The following HYDIN variants were observed in gnomAD, a reference collection of about 807,000 sequenced individuals.
HYDIN encodes HYDIN axonemal central pair apparatus protein, also known as axonemal central pair apparatus protein HYDIN.
Under a neutral mutation model 403.9 loss-of-function variants are expected in HYDIN, and 132 were observed. That is an observed-to-expected ratio of 0.33 (90% CI 0.28 to 0.38). The LOEUF (loss-of-function observed/expected upper bound fraction) is 0.38. HYDIN is among the 10% of genes least tolerant of loss of function. HYDIN has a pLI of 1.00. For missense variants in HYDIN, 2,827 were observed against 5,009.5 expected, an observed-to-expected ratio of 0.56 and a Z score of 13.15; for synonymous variants, 1,202 against 1,891.7, an observed-to-expected ratio of 0.64 and a Z score of 9.46.
At chr16:71,162,307 CA>C (rs933478542) in intron 6 of HYDIN, among the ~76,000 whole-genome samples, 5 of 143,876 alleles carry the variant, frequency 3.5e-5, no homozygotes, top group African/African-American at 1.3e-4. Flanking sequence ...TTTGAAGAAC[CA>C]AAAAGAGGAT....
At chr16:71,170,151 G>C (rs1287557736) in intron 5 of HYDIN, among the ~76,000 whole-genome samples, 1 of 152,160 alleles carries the variant, frequency 6.6e-6, no homozygotes, top group Non-Finnish European at 1.5e-5. Context: ...CTGGATAAAA[G>C]GAGAGGATCA....
At chr16:70,837,435 G>C (rs1236855186) in intron 77 of HYDIN, among the ~76,000 whole-genome samples, 1 of 152,214 alleles carries the variant, frequency 6.6e-6, no homozygotes, top group Non-Finnish European at 1.5e-5. Flanking sequence ...TCTAGTGTCT[G>C]TAATTACCTG....
chr16:70,877,028 A>C (rs1170190787), intron 62 of HYDIN, among the ~76,000 whole-genome samples: 1 of 150,508 alleles, frequency 6.6e-6, no homozygotes, highest in Non-Finnish European at 1.5e-5. Context: ...AAACAGCCTA[A>C]TAGAAATTCT....
intron 18 of HYDIN, among the ~76,000 whole-genome samples, chr16:71,055,525 TGAG>T (rs2081855073): frequency 6.7e-6 from 1 of 150,300 alleles, no homozygotes; most frequent in Admixed American, 6.7e-5. Context: ...CCTATTTAAA[TGAG>T]GAAATAACCC....
chr16:71,030,923 G>A (rs191249221), intron 19 of HYDIN, among the ~76,000 whole-genome samples: 24 of 152,094 alleles, frequency 1.6e-4, no homozygotes, highest in African/African-American at 3.1e-4. Context: ...GCTAGTGACC[G>A]GGCACGGTGG....
chr16:71,214,218 A>G (rs1018814402), intron 1 of HYDIN, among the ~76,000 whole-genome samples: 4 of 152,182 alleles, frequency 2.6e-5, no homozygotes, highest in African/African-American at 9.6e-5. Flanking sequence ...ATGATAATAC[A>G]TTATTAAGAT....
intron 75 of HYDIN, among the ~76,000 whole-genome samples, chr16:70,843,022 AATTTATTT>A (rs902268838): frequency 8.8e-4 from 133 of 151,518 alleles, no homozygotes; most frequent in African/African-American, 3.1e-3. Flanking sequence ...TTTTTACATA[AATTTATTT>A]ATTTATTTAT....
intron 5 of HYDIN, among the ~76,000 whole-genome samples, chr16:71,172,348 C>T (rs373719504): frequency 6.6e-6 from 1 of 152,124 alleles, no homozygotes; most frequent in Non-Finnish European, 1.5e-5. Context: ...CCCACAAAAG[C>T]CTAATATTTT....
At chr16:70,994,272 T>C (rs2079455777) in intron 23 of HYDIN, among the ~76,000 whole-genome samples, 1 of 93,674 alleles carries the variant, frequency 1.1e-5, no homozygotes, top group South Asian at 3.4e-4. Flanking sequence ...GATGCATGGA[T>C]GGATGGATGG....
At chr16:71,033,130 C>G (rs1164556288) in intron 18 of HYDIN, among the ~76,000 whole-genome samples, 2 of 151,328 alleles carry the variant, frequency 1.3e-5, no homozygotes, top group African/African-American at 4.9e-5. Flanking sequence ...TACATAAACA[C>G]CCCGAGGAGC....
intron 1 of HYDIN, among the ~76,000 whole-genome samples, chr16:71,189,262 G>C (rs889960247): frequency 1.3e-5 from 2 of 152,146 alleles, no homozygotes; most frequent in Admixed American, 6.5e-5. Context: ...GGGTAGAGGA[G>C]ATAGGAATGA....
At chr16:71,171,590 G>A (rs1053574069) in intron 5 of HYDIN, among the ~76,000 whole-genome samples, 3 of 152,062 alleles carry the variant, frequency 2.0e-5, no homozygotes, top group Non-Finnish European at 4.4e-5. Flanking sequence ...TAAAATCCTT[G>A]TTAGCCTTAT....
intron 12 of HYDIN, among the ~76,000 whole-genome samples, chr16:71,080,614 T>C (rs1334819722): frequency 2.6e-5 from 3 of 115,146 alleles, no homozygotes; most frequent in South Asian, 2.9e-4. Context: ...TTAAAATAAA[T>C]AATAGAGAGA....
chr16:70,966,231 C>A (rs183168620), intron 36 of HYDIN, among the ~76,000 whole-genome samples: 179 of 152,300 alleles, frequency 1.2e-3, no homozygotes, highest in African/African-American at 4.1e-3. Flanking sequence ...AAGAAACCTC[C>A]CACATGCAAA....
chr16:70,804,575 G>A lies in HYDIN; in HGVS notation c.*3005C>T, dbSNP rs1192904305. The stretch of plus-strand genomic sequence containing the variant: ...CGTGAGGTCCTTCAGATCAGCTGAT[G>A]TCAGTTGTTTCACTGGTACACAGGA... On this transcript the variant is annotated 3_prime_UTR_variant, in exon 86 of 86. Transcript: ENST00000393567. Among the ~76,000 whole-genome samples the A allele has an allele frequency of 2.0e-5, 3 of 152,210 alleles. No individual in the cohort carries two copies. Among genetic ancestry groups the A allele is most frequent in the African/African-American group, 7.2e-5 (3 of 41,460 alleles).
chr16:71,181,537 A>G (rs4477712), intron 3 of HYDIN, among the ~76,000 whole-genome samples: 18,632 of 152,128 alleles, frequency 0.12, 1,851 homozygotes, highest in Admixed American at 0.32. Flanking sequence ...TCTTGATTAT[A>G]TAAGTGGAAT....
intron 10 of HYDIN, among the ~76,000 whole-genome samples, chr16:71,108,224 G>T (rs1448012330): frequency 6.6e-6 from 1 of 152,054 alleles, no homozygotes; most frequent in Non-Finnish European, 1.5e-5. Flanking sequence ...TGGGTACTAG[G>T]CTTAGAACCT....
chr16:70,943,783 G>A, intron 42 of HYDIN, 29 bp downstream of exon 42: 8 of 1,604,400 alleles, frequency 5.0e-6, no homozygotes, highest in Non-Finnish European at 6.8e-6. Context: ...GCCAAGCCCT[G>A]CAGCTCTGTG....
intron 45 of HYDIN, among the ~76,000 whole-genome samples, chr16:70,924,902 G>A (rs557776621): frequency 7.4e-6 from 1 of 135,878 alleles, no homozygotes; most frequent in African/African-American, 2.8e-5. Flanking sequence ...AAACCATGGC[G>A]GCACACGTTT....
Sources: gnomAD v4.1 joint callset for allele counts (sites outside exome capture counted in the v4.1 genomes callset) on GRCh38, gnomAD v4.1.1 for gene constraint, MANE v1.5 for transcripts, NCBI Gene and HGNC (gene_info 2026-07-23, HGNC 2026-07-21) for gene names.